CELF1: variants seen among roughly 807,000 people sequenced by gnomAD.
CELF1 encodes the protein CUGBP Elav-like family member 1.
A neutral mutation model predicts 61.8 loss-of-function variants in CELF1; 10 were observed. That is an observed-to-expected ratio of 0.16 (90% CI 0.10 to 0.27). The LOEUF is 0.27. Among genes scored for constraint, CELF1 ranks in the 10% least tolerant of loss-of-function variants. CELF1 has a pLI of 1.00. For synonymous variants in CELF1, 236 were observed against 225.1 expected (o/e 1.05, Z -0.43); for missense variants, 380 against 639.1 (o/e 0.59, Z 4.37).
chr11:47,481,816 G>A (rs1177562728), intron 9 of CELF1, among the ~76,000 whole-genome samples: 11 of 152,144 alleles, frequency 7.2e-5, no homozygotes, highest in Admixed American at 2.0e-4. Context: ...TTTGGCTCAC[G>A]ACAACAGAGA....
rs147792260 is a variant in CELF1 at position 47,492,391 on chromosome 11, T to G, written c.72-3367A>C. ...AAAACATAATGTGACTGCTTTTAAA[T>G]GCTTAATCCTAATGTTCCAACAGAA... On this transcript the variant is annotated intron_variant, in intron 3 of 14. Transcript: ENST00000687097. 3.5e-3 allele frequency among the ~76,000 whole-genome samples: 536 copies of G among 152,268 alleles called. 2 individuals carry two copies. Among genetic ancestry groups the G allele is most frequent in the African/African-American group, 0.013 (521 of 41,556 alleles).
At chr11:47,483,811 T>C (rs2084933658) in intron 7 of CELF1, among the ~76,000 whole-genome samples, 1 of 152,214 alleles carries the variant, frequency 6.6e-6, no homozygotes, top group African/African-American at 2.4e-5. Context: ...TATTTCCATT[T>C]TGGCATCAAG....
intron 1 of CELF1, among the ~76,000 whole-genome samples, chr11:47,519,938 T>TAA (rs71042677): frequency 6.6e-6 from 1 of 150,830 alleles, no homozygotes; most frequent in South Asian, 2.1e-4. Context: ...AAATCACTCC[T>TAA]AAAAAAACTC....
At chr11:47,529,051 T>A (rs1206442888) in intron 1 of CELF1, among the ~76,000 whole-genome samples, 2 of 151,690 alleles carry the variant, frequency 1.3e-5, no homozygotes, top group Non-Finnish European at 2.9e-5. Context: ...AGTACAGATG[T>A]GTGCCACCTC....
At chr11:47,526,884 CTA>C (rs1283086458) in intron 1 of CELF1, among the ~76,000 whole-genome samples, 1 of 152,086 alleles carries the variant, frequency 6.6e-6, no homozygotes, top group African/African-American at 2.4e-5. Flanking sequence ...AACCCTGTCT[CTA>C]TTAAAAATAC....
chr11:47,477,215 TTTCCCTC>T (rs1219553831), intron 11 of CELF1, 75 bp downstream of exon 11: 1 of 1,491,206 alleles, frequency 6.7e-7, no homozygotes, highest in African/African-American at 1.4e-5. Context: ...TGTTAACTAT[TTTCCCTC>T]TCTGGACTCT....
chr11:47,519,086 A>T (rs2095714040), intron 1 of CELF1, among the ~76,000 whole-genome samples: 3 of 152,194 alleles, frequency 2.0e-5, no homozygotes, highest in Non-Finnish European at 4.4e-5. Flanking sequence ...AGAAAATGCA[A>T]ATTTTGTACC....
intron 3 of CELF1, among the ~76,000 whole-genome samples, chr11:47,492,743 G>A (rs2092056949): frequency 6.6e-6 from 1 of 151,942 alleles, no homozygotes; most frequent in African/African-American, 2.4e-5. Flanking sequence ...AGAAAAAAAA[G>A]GCAGCCCTAT....
At chr11:47,539,477 AC>A (rs1471917245) in intron 1 of CELF1, among the ~76,000 whole-genome samples, 1 of 152,058 alleles carries the variant, frequency 6.6e-6, no homozygotes, top group Non-Finnish European at 1.5e-5. Flanking sequence ...ACATGGTGAA[AC>A]CCTGTTTCTA....
At chr11:47,563,456 C>T (rs536622889) in intron 2 of CELF1, among the ~76,000 whole-genome samples, 1 of 152,042 alleles carries the variant, frequency 6.6e-6, no homozygotes, top group African/African-American at 2.4e-5. Context: ...GAGACCAAGG[C>T]GGGTGGAACA....
At chr11:47,532,120 T>C (rs971748611) in intron 1 of CELF1, among the ~76,000 whole-genome samples, 1 of 151,984 alleles carries the variant, frequency 6.6e-6, no homozygotes, top group African/African-American at 2.4e-5. Flanking sequence ...AACCTTCGCC[T>C]CCCAGGTTCA....
chr11:47,528,806 T>C (rs1006638616), intron 1 of CELF1, among the ~76,000 whole-genome samples: 8 of 149,204 alleles, frequency 5.4e-5, no homozygotes, highest in Admixed American at 1.3e-4. Flanking sequence ...AGGAGGATCA[T>C]TTTGATTCCA....
At chr11:47,489,935 G>GTTTTTTGTTTT (rs1555170256) in intron 3 of CELF1, among the ~76,000 whole-genome samples, 2 of 48,226 alleles carry the variant, frequency 4.1e-5, no homozygotes, top group African/African-American at 1.6e-4. Context: ...ATACCATCTT[G>GTTTTTTGTTTT]TTTTTTTTTT....
At position 47,553,077 on chromosome 11, in the gene CELF1, T is replaced by A; in HGVS notation, c.-239A>T. 1 of 400,304 alleles carries A rather than the reference T, an allele frequency of 2.5e-6. No individual in the cohort carries two copies. The highest frequency in any genetic ancestry group is 4.4e-6 in the Non-Finnish European group (1 of 227,688). The allele number at this position is 400,304 out of a possible 1,614,324, so 24.8% of individuals were successfully genotyped here. On this transcript the variant is annotated 5_prime_UTR_variant, in exon 1 of 15. Transcript: ENST00000687097. ...CCGCCGCCTCGCTGCTGAGGCCGAA[T>A]CCCGGGGGAGCCTCCGCGTCCCGCC... is the stretch of plus-strand genomic sequence containing the variant.
Position 47,470,110 on chromosome 11 carries a change from G to C in CELF1, c.*2120C>G, listed in dbSNP as rs895820013. 1.3e-5 allele frequency: 2 copies of C among 152,082 alleles called. No individual in the cohort carries two copies. Among genetic ancestry groups the C allele is most frequent in the Non-Finnish European group, 2.9e-5 (2 of 68,030 alleles). The allele number at this position is 152,082 out of a possible 1,614,324, so 9.4% of individuals were successfully genotyped here. On this transcript the variant is annotated 3_prime_UTR_variant, in exon 15 of 15. Transcript: ENST00000687097. The stretch of plus-strand genomic sequence containing the variant: ...TTCAATCATACACAGCACCCTGTGT[G>C]TATAACAATCACATTCTGGATTCTA...
chr11:47,540,514 T>A (rs1382113672), intron 1 of CELF1, among the ~76,000 whole-genome samples: 8 of 152,190 alleles, frequency 5.3e-5, no homozygotes, highest in Non-Finnish European at 1.0e-4. Flanking sequence ...AGTTATGCAT[T>A]TTCAAGCTGT....
chr11:47,551,737 G>T (rs1445448504), intron 1 of CELF1, among the ~76,000 whole-genome samples: 1 of 152,200 alleles, frequency 6.6e-6, no homozygotes, highest in African/African-American at 2.4e-5. Context: ...TTCCGGGCGG[G>T]GGCGGTGGCT....
chr11:47,530,459 G>A (rs534227460), intron 1 of CELF1, among the ~76,000 whole-genome samples: 1 of 152,334 alleles, frequency 6.6e-6, no homozygotes, highest in African/African-American at 2.4e-5. Flanking sequence ...ATGCTTTAAT[G>A]TGGGCCCAGT....
chr11:47,524,065 T>A (rs562191114), intron 1 of CELF1: 2 of 152,244 alleles, frequency 1.3e-5, no homozygotes, highest in African/African-American at 4.8e-5. Flanking sequence ...ACAGCATAGG[T>A]TGCTGTGGGG....
Sources: gnomAD v4.1 joint callset for allele counts (sites outside exome capture counted in the v4.1 genomes callset) on GRCh38, gnomAD v4.1.1 for gene constraint, MANE v1.5 for transcripts, NCBI Gene and HGNC (gene_info 2026-07-23, HGNC 2026-07-21) for gene names.